Variants in MACROD2 observed in about 807,000 individuals in gnomAD.
MACROD2 encodes the protein mono-ADP ribosylhydrolase 2.
A neutral mutation model predicts 70.4 loss-of-function variants in MACROD2; 36 were observed. The ratio of observed to expected loss-of-function variants is 0.51; its 90% CI spans 0.39 to 0.68. The LOEUF (loss-of-function observed/expected upper bound fraction) is 0.68, where lower values mean the gene tolerates loss of function less well. MACROD2 is among the 30% of genes least tolerant of loss of function. The probability of loss-of-function intolerance (pLI) is 0.00; values close to 1 mark genes in which losing one functional copy is unlikely to be tolerated. For synonymous variants in MACROD2, 172 were observed against 178.8 expected (o/e 0.96, Z 0.30); for missense variants, 496 against 538.4 (o/e 0.92, Z 0.78).
intron 3 of MACROD2, among the ~76,000 whole-genome samples, chr20:14,371,046 A>G (rs1186367676): frequency 6.6e-6 from 1 of 152,216 alleles, no homozygotes; most frequent in Admixed American, 6.5e-5. Flanking sequence ...TATAAGACAG[A>G]CAATACCAAA....
At chr20:15,677,501 G>A (rs570165450) in intron 8 of MACROD2, among the ~76,000 whole-genome samples, 29 of 152,244 alleles carry the variant, frequency 1.9e-4, no homozygotes, top group African/African-American at 6.5e-4. Flanking sequence ...CTGGGGCACC[G>A]TGCCTGCTCT....
intron 8 of MACROD2, among the ~76,000 whole-genome samples, chr20:15,583,618 A>G (rs2048557403): frequency 6.6e-6 from 1 of 151,696 alleles, no homozygotes; most frequent in South Asian, 2.1e-4. Flanking sequence ...TGCATCCTTC[A>G]TGCCATGTGT....
chr20:14,901,761 G>T (rs572538254), intron 5 of MACROD2, among the ~76,000 whole-genome samples: 85 of 152,186 alleles, frequency 5.6e-4, no homozygotes, highest in African/African-American at 2.0e-3. Context: ...GCATCTAATT[G>T]CCTGGAATAG....
In MACROD2 at chr20:14,119,640, G is replaced by C. The variant is rs145258330; in HGVS notation, c.271+33912G>C. ...AATATTAAGGACCTACTGTCTGCTA[G>C]CTCTGCAGGCCTCGCCATTTTTTGC... is the stretch of plus-strand genomic sequence containing the variant. On this transcript the variant is annotated intron_variant, in intron 3 of 17. Transcript: ENST00000684519. Among the ~76,000 whole-genome samples the C allele has an allele frequency of 1.1e-3, 165 of 152,302 alleles. 1 individual carries two copies. Among genetic ancestry groups the C allele is most frequent in the African/African-American group, 3.5e-3 (147 of 41,566 alleles).
chr20:15,512,193 A>G (rs2047508826), intron 8 of MACROD2, among the ~76,000 whole-genome samples: 1 of 152,224 alleles, frequency 6.6e-6, no homozygotes, highest in South Asian at 2.1e-4. Context: ...TCTACTCACA[A>G]GCACTTGACA....
chr20:14,424,677 T>C (rs2083914727), intron 3 of MACROD2, among the ~76,000 whole-genome samples: 1 of 152,228 alleles, frequency 6.6e-6, no homozygotes, highest in African/African-American at 2.4e-5. Context: ...CAATTTATGA[T>C]GTTTGCCATA....
intron 5 of MACROD2, among the ~76,000 whole-genome samples, chr20:14,790,238 T>C (rs907627897): frequency 1.3e-5 from 2 of 151,784 alleles, no homozygotes; most frequent in African/African-American, 2.4e-5. Flanking sequence ...GTGAGCTCGA[T>C]AAATATCAGG....
At chr20:14,611,476 G>A (rs201420995) in intron 4 of MACROD2, among the ~76,000 whole-genome samples, 31 of 138,622 alleles carry the variant, frequency 2.2e-4, no homozygotes, top group Non-Finnish European at 3.9e-4. Flanking sequence ...TTTTTTTGGC[G>A]GGGGGTCATA....
chr20:15,182,748 C>A (rs532950239), intron 5 of MACROD2, among the ~76,000 whole-genome samples: 13 of 152,256 alleles, frequency 8.5e-5, no homozygotes, highest in African/African-American at 3.1e-4. Context: ...AAAATTCATT[C>A]ATTCACATAG....
At chr20:13,999,272 T>C (rs1274219569) in intron 1 of MACROD2, among the ~76,000 whole-genome samples, 1 of 152,204 alleles carries the variant, frequency 6.6e-6, no homozygotes, top group African/African-American at 2.4e-5. Flanking sequence ...TTTTCTTTCA[T>C]AGGGCTTCAC....
chr20:14,874,244 A>G (rs1036590516), intron 5 of MACROD2, among the ~76,000 whole-genome samples: 9 of 152,016 alleles, frequency 5.9e-5, no homozygotes, highest in African/African-American at 2.2e-4. Flanking sequence ...GTAAAGAAAT[A>G]TCTGTGACTT....
intron 4 of MACROD2, chr20:14,622,000 T>G (rs1983853000): frequency 6.6e-6 from 1 of 152,182 alleles, no homozygotes; most frequent in Admixed American, 6.5e-5. Context: ...AAATAATTCC[T>G]GCTTACCTAA....
chr20:14,526,545 A>G (rs1011941644), intron 4 of MACROD2, among the ~76,000 whole-genome samples: 1 of 152,178 alleles, frequency 6.6e-6, no homozygotes, highest in African/African-American at 2.4e-5. Flanking sequence ...TTCTTCATAG[A>G]CAGAAGTCTT....
chr20:15,036,190 A>G (rs987824822), intron 5 of MACROD2, among the ~76,000 whole-genome samples: 1 of 152,178 alleles, frequency 6.6e-6, no homozygotes, highest in African/African-American at 2.4e-5. Context: ...TTATCACATT[A>G]ATACTCTTTT....
intron 2 of MACROD2, among the ~76,000 whole-genome samples, chr20:14,029,232 A>G (rs1047872686): frequency 2.0e-5 from 3 of 152,232 alleles, no homozygotes; most frequent in African/African-American, 7.2e-5. Context: ...CCACCTCTTC[A>G]GTAGCAACTA....
chr20:15,155,810 CTCTGTATTTATATCTAGCATTT>C (rs1292211819), intron 5 of MACROD2, among the ~76,000 whole-genome samples: 1 of 151,808 alleles, frequency 6.6e-6, no homozygotes, highest in African/African-American at 2.4e-5. Context: ...GAACTATAAT[CTCTGTATTTATATCTAGCATTT>C]TCATTTAGAA....
chr20:14,452,900 T>TAA (rs1420740098), intron 3 of MACROD2, among the ~76,000 whole-genome samples: 1 of 152,168 alleles, frequency 6.6e-6, no homozygotes. Flanking sequence ...ATGGCAGTCA[T>TAA]AGAGATTTTC....
At chr20:14,372,526 T>C (rs1022937867) in intron 3 of MACROD2, among the ~76,000 whole-genome samples, 1 of 152,142 alleles carries the variant, frequency 6.6e-6, no homozygotes, top group Non-Finnish European at 1.5e-5. Context: ...AACAGGTATA[T>C]TTAACCAATT....
At chr20:15,711,158 T>A (rs1455363564) in intron 8 of MACROD2, among the ~76,000 whole-genome samples, 1 of 152,216 alleles carries the variant, frequency 6.6e-6, no homozygotes, top group Non-Finnish European at 1.5e-5. Flanking sequence ...TAAATAGGCT[T>A]TCAAGGGAGA....
Sources: allele counts gnomAD v4.1 joint callset (sites outside exome capture counted in the v4.1 genomes callset), GRCh38; gene constraint gnomAD v4.1.1; transcripts MANE v1.5; gene names NCBI Gene and HGNC (gene_info 2026-07-23, HGNC 2026-07-21).